The following CD8B variants were observed in gnomAD, a reference collection of about 807,000 sequenced individuals.
CD8B encodes the protein CD8 subunit beta.
CD8B carries 6 observed loss-of-function variants against 24.2 expected under a neutral mutation model. The observed-to-expected ratio is 0.25, with a 90% CI of 0.14 to 0.49. The LOEUF is 0.49. CD8B is among the 20% of genes least tolerant of loss of function. The pLI is 0.98. For missense variants in CD8B, 196 were observed against 271.3 expected (o/e 0.72, Z 1.95); for synonymous variants, 84 against 108.3 (o/e 0.78, Z 1.39).
intron 5 of CD8B, among the ~76,000 whole-genome samples, chr2:86,831,841 G>T (rs770453657): frequency 8.5e-5 from 13 of 152,184 alleles, no homozygotes; most frequent in Non-Finnish European, 1.0e-4. Flanking sequence ...AGGGGCTGGG[G>T]GAGTGAGAGA....
At chr2:86,834,932 T>C, downstream of CD8B, among the ~76,000 whole-genome samples, 4 of 83,318 alleles carry the variant, frequency 4.8e-5, no homozygotes, top group East Asian at 2.8e-4. Flanking sequence ...CAAAACTCTG[T>C]CTCAAAAAAA....
At chr2:86,833,766 T>C (rs538525467), downstream of CD8B, among the ~76,000 whole-genome samples, 73 of 151,688 alleles carry the variant, frequency 4.8e-4, no homozygotes, top group Admixed American at 8.5e-4. Flanking sequence ...CCCTCTTGCC[T>C]CAGCCTTCCT....
At chr2:86,857,622 A>C (rs1676332574) in intron 2 of CD8B, among the ~76,000 whole-genome samples, 1 of 152,186 alleles carries the variant, frequency 6.6e-6, no homozygotes, top group African/African-American at 2.4e-5. Flanking sequence ...CGGGAAGCTG[A>C]GGCAGGAGAA....
At chr2:86,858,451 T>C (rs1250476571) in intron 1 of CD8B, 35 bp from the exon 2 acceptor site, 1 of 1,550,756 alleles carries the variant, frequency 6.4e-7, no homozygotes, top group Admixed American at 1.8e-5. Flanking sequence ...ATCACACATT[T>C]TCCTAGCCAC....
chr2:86,853,613 GT>G (rs1307873144), intron 2 of CD8B, among the ~76,000 whole-genome samples: 2 of 152,180 alleles, frequency 1.3e-5, no homozygotes, highest in African/African-American at 4.8e-5. Flanking sequence ...TAGAGATGGG[GT>G]TCAGCTTGGT....
At chr2:86,861,167 G>A (rs530703532) in intron 1 of CD8B, among the ~76,000 whole-genome samples, 2 of 152,152 alleles carry the variant, frequency 1.3e-5, no homozygotes, top group African/African-American at 4.8e-5. Context: ...GTAGTTTTCC[G>A]GGTGTGTGGA....
Position 86,838,501 on chromosome 2 carries a change from G to A in CD8B, c.*3806C>T, listed in dbSNP as rs1328426896. ...AGAAAAAAAAACAAGAAACTTTTTA[G>A]AAAAAATTTATTTTTGAGACAAGGT... On this transcript the variant is annotated 3_prime_UTR_variant, in exon 6 of 6. Coordinates refer to ENST00000390655, the MANE Select transcript of CD8B (RefSeq NM_004931.5). 6.6e-6 allele frequency among the ~76,000 whole-genome samples: 1 copy of A among 151,884 alleles called. No homozygotes were observed. The highest frequency in any genetic ancestry group is 1.5e-5 in the Non-Finnish European group (1 of 67,950).
downstream of CD8B, among the ~76,000 whole-genome samples, chr2:86,833,572 C>A (rs1324372391): frequency 4.1e-5 from 4 of 97,852 alleles, no homozygotes; most frequent in African/African-American, 1.4e-4. Context: ...CCCTCTCTCT[C>A]CCTCCCTTTC....
chr2:86,822,241 A>C, intron 5 of CD8B: 1 of 792,532 alleles, frequency 1.3e-6, no homozygotes, highest in Non-Finnish European at 2.0e-6. Context: ...GCAGGAAAAA[A>C]AAAAAAGATG....
At chr2:86,821,448 G>A (rs771590092) in intron 5 of CD8B, among the ~76,000 whole-genome samples, 5 of 152,190 alleles carry the variant, frequency 3.3e-5, no homozygotes, top group Non-Finnish European at 7.3e-5. Context: ...CTCAGCCGAC[G>A]GGAGCTTTGT....
chr2:86,850,409 G>A (rs1675917644), intron 3 of CD8B, among the ~76,000 whole-genome samples: 1 of 152,170 alleles, frequency 6.6e-6, no homozygotes, highest in African/African-American at 2.4e-5. Flanking sequence ...GTGACCCCAT[G>A]GGTTTCATTC....
intron 5 of CD8B, among the ~76,000 whole-genome samples, chr2:86,828,340 G>A (rs569181353): frequency 7.1e-4 from 108 of 151,914 alleles, no homozygotes; most frequent in Admixed American, 1.2e-3. Context: ...GTGTGTGTGC[G>A]TGTCTGGACC....
At chr2:86,837,766 C>G (rs1468732049), downstream of CD8B, among the ~76,000 whole-genome samples, 2 of 127,922 alleles carry the variant, frequency 1.6e-5, no homozygotes, top group Non-Finnish European at 3.1e-5. Context: ...GGCTCCACAC[C>G]TGCAGGCTAC....
At chr2:86,821,757 G>A (rs1316568582) in intron 5 of CD8B, 11 of 432,918 alleles carry the variant, frequency 2.5e-5, no homozygotes, top group Admixed American at 1.2e-4. Context: ...TTTTAGCAAA[G>A]AGCCCCGCTG....
intron 1 of CD8B, among the ~76,000 whole-genome samples, chr2:86,859,004 AG>A (rs1676434356): frequency 6.6e-6 from 1 of 152,154 alleles, no homozygotes; most frequent in Non-Finnish European, 1.5e-5. Flanking sequence ...TAAGTGGCCT[AG>A]GAGTCAAACT....
chr2:86,822,488 A>G (rs1203529821), intron 5 of CD8B: 2 of 629,012 alleles, frequency 3.2e-6, no homozygotes, highest in Middle Eastern at 4.3e-4. Flanking sequence ...AATTTTAGGC[A>G]TTAACATGAT....
At chr2:86,836,136 G>C (rs963695525), downstream of CD8B, among the ~76,000 whole-genome samples, 2 of 152,158 alleles carry the variant, frequency 1.3e-5, no homozygotes, top group African/African-American at 4.8e-5. Flanking sequence ...GGATGGGTGG[G>C]GGAGCCAGCA....
At position 86,853,693 on chromosome 2, in the gene CD8B, T is replaced by TTTTA. The variant is rs1160816053; in HGVS notation, c.404-611_404-608dup. Among the ~76,000 whole-genome samples, 1,109 of 151,964 alleles carry TTTTA rather than the reference T, an allele frequency of 7.3e-3. 13 individuals are homozygous for TTTTA. The highest frequency in any genetic ancestry group is 0.022 in the African/African-American group (897 of 41,384). On this transcript the variant is annotated intron_variant, in intron 2 of 5. Coordinates refer to ENST00000390655, the MANE Select transcript of CD8B (RefSeq NM_004931.5). ...GAGCCTACACCTCTGATTTATTTAT[T>TTTTA]TTTATTTATTTATTTATTTATTTAT...
intron 2 of CD8B, among the ~76,000 whole-genome samples, chr2:86,853,640 A>C (rs533430760): frequency 1.4e-4 from 21 of 152,148 alleles, no homozygotes; most frequent in Non-Finnish European, 2.4e-4. Flanking sequence ...GGAGAGAGGA[A>C]GGCTCTGGAG....
Sources: gnomAD v4.1 joint callset for allele counts (sites outside exome capture counted in the v4.1 genomes callset) on GRCh38, gnomAD v4.1.1 for gene constraint, MANE v1.5 for transcripts, NCBI Gene and HGNC (gene_info 2026-07-23, HGNC 2026-07-21) for gene names.